The following HEPACAM2 variants were observed in gnomAD, a reference collection of about 807,000 sequenced individuals.
HEPACAM2 encodes HEPACAM family member 2, also known as mitotic kinetics regulator.
A neutral mutation model predicts 49.6 loss-of-function variants in HEPACAM2; 49 were observed. The ratio of observed to expected loss-of-function variants is 0.99; its 90% confidence interval spans 0.78 to 1.25. The LOEUF (loss-of-function observed/expected upper bound fraction) is 1.25. Among genes scored for constraint, HEPACAM2 ranks in the 50% most tolerant of loss-of-function variants. The probability of loss-of-function intolerance (pLI) is 0.00; values close to 1 mark genes in which losing one functional copy is unlikely to be tolerated. For synonymous variants in HEPACAM2, 197 were observed against 202.9 expected, an observed-to-expected ratio of 0.97 and a Z score of 0.25; for missense variants, 525 against 557.2, an observed-to-expected ratio of 0.94 and a Z score of 0.58.
At chr7:93,226,508 G>C, upstream of HEPACAM2, 4 of 1,241,686 alleles carry the variant, frequency 3.2e-6, no homozygotes, top group Non-Finnish European at 4.7e-6. Context: ...ATTTGCTAGG[G>C]AAATTAGCAG....
chr7:93,193,420 T>G (rs140077611), intron 8 of HEPACAM2, among the ~76,000 whole-genome samples: 1 of 152,128 alleles, frequency 6.6e-6, no homozygotes, highest in Non-Finnish European at 1.5e-5. Context: ...GTAAAAGCAA[T>G]CTATTGATGA....
At chr7:93,209,591 AC>A (rs752810604) in intron 3 of HEPACAM2, among the ~76,000 whole-genome samples, 7 of 151,158 alleles carry the variant, frequency 4.6e-5, no homozygotes, top group Non-Finnish European at 8.9e-5. Flanking sequence ...ACTTTTGGCT[AC>A]CCCCCACCAC....
At chr7:93,228,885 G>GTGTGTGTGTA (rs748458673), upstream of HEPACAM2, among the ~76,000 whole-genome samples, 108 of 152,016 alleles carry the variant, frequency 7.1e-4, 2 homozygotes, top group East Asian at 8.5e-3. Context: ...GTGTGTGTGT[G>GTGTGTGTGTA]TGTATGTGTG....
upstream of HEPACAM2, among the ~76,000 whole-genome samples, chr7:93,230,871 T>C (rs904940302): frequency 7.9e-5 from 12 of 152,210 alleles, no homozygotes; most frequent in Admixed American, 2.6e-4. Context: ...ATGATACAAG[T>C]ATGCACAAGG....
At chr7:93,199,227 TTTAAA>T (rs1418369835) in intron 4 of HEPACAM2, among the ~76,000 whole-genome samples, 1 of 152,084 alleles carries the variant, frequency 6.6e-6, no homozygotes, top group Non-Finnish European at 1.5e-5. Context: ...TTAAACAGAT[TTTAAA>T]TTAAACTCTT....
At chr7:93,221,122 TAAAG>T (rs1231960308) in intron 1 of HEPACAM2, among the ~76,000 whole-genome samples, 4 of 151,956 alleles carry the variant, frequency 2.6e-5, no homozygotes, top group African/African-American at 7.3e-5. Context: ...AAATGTGAAA[TAAAG>T]AGAGTTTTTT....
At chr7:93,217,876 CTGTGTGTGTGTGTGTGTG>C (rs138044928) in intron 2 of HEPACAM2, among the ~76,000 whole-genome samples, 5 of 140,094 alleles carry the variant, frequency 3.6e-5, no homozygotes, top group East Asian at 2.2e-4. Context: ...GCATGTGTGT[CTGTGTGTGTGTGTGTGTG>C]TGTGTGTGTG....
chr7:93,216,576 C>T (rs575992084), intron 2 of HEPACAM2, among the ~76,000 whole-genome samples: 5 of 152,184 alleles, frequency 3.3e-5, no homozygotes, highest in African/African-American at 7.2e-5. Context: ...TATAAGAATC[C>T]GCAACCATTT....
At chr7:93,189,748 A>C (rs1584322255) in intron 9 of HEPACAM2, among the ~76,000 whole-genome samples, 1 of 152,002 alleles carries the variant, frequency 6.6e-6, no homozygotes, top group South Asian at 2.1e-4. Context: ...CCAAAGAATA[A>C]AATTGTTTGG....
At chr7:93,204,464 G>A (rs1793978536) in intron 4 of HEPACAM2, among the ~76,000 whole-genome samples, 1 of 151,992 alleles carries the variant, frequency 6.6e-6, no homozygotes, top group Admixed American at 6.6e-5. Context: ...TGCATTCAAG[G>A]AAGTCCGTAA....
Position 93,224,820 on chromosome 7 carries a change from G to A in HEPACAM2, c.79+1548C>T, listed in dbSNP as rs544073321. Among the ~76,000 whole-genome samples, 7 of 152,250 alleles carry A rather than the reference G, an allele frequency of 4.6e-5. No individual in the cohort carries two copies. In the South Asian group the frequency reaches 1.4e-3, roughly 32 times the overall value. On this transcript the variant is annotated intron_variant, in intron 1 of 9. Transcript: ENST00000394468. ...GAAAATAAAATCTTGCATCTTTAGA[G>A]AAAATAGAAATTATGATGTGTTTTG... is the stretch of plus-strand genomic sequence containing the variant.
At chr7:93,226,007 G>C in intron 1 of HEPACAM2, 1 of 789,756 alleles carries the variant, frequency 1.3e-6, no homozygotes, top group East Asian at 2.7e-5. Context: ...ACTCTAAGTG[G>C]TCACAATTTC....
At chr7:93,193,790 C>A (rs1369291333) in intron 8 of HEPACAM2, among the ~76,000 whole-genome samples, 1 of 152,108 alleles carries the variant, frequency 6.6e-6, no homozygotes, top group Non-Finnish European at 1.5e-5. Flanking sequence ...TATTTCCCTT[C>A]TCAAGTTCAG....
upstream of HEPACAM2, among the ~76,000 whole-genome samples, chr7:93,230,413 A>C (rs1794601406): frequency 6.6e-6 from 1 of 152,230 alleles, no homozygotes; most frequent in African/African-American, 2.4e-5. Flanking sequence ...AAACATCCCC[A>C]AAGAAAACAA....
At chr7:93,198,174 A>G (rs750817385) in intron 4 of HEPACAM2, among the ~76,000 whole-genome samples, 1 of 152,104 alleles carries the variant, frequency 6.6e-6, no homozygotes, top group Non-Finnish European at 1.5e-5. Context: ...TGTATGTGTG[A>G]TTTTTCAAAA....
upstream of HEPACAM2, among the ~76,000 whole-genome samples, chr7:93,228,873 G>GTA (rs1219855820): frequency 6.6e-6 from 1 of 151,520 alleles, no homozygotes; most frequent in Non-Finnish European, 1.5e-5. Flanking sequence ...GGGTGTGTGT[G>GTA]TGTGTGTGTG....
chr7:93,214,481 T>C (rs552307331), intron 3 of HEPACAM2, among the ~76,000 whole-genome samples: 1 of 152,282 alleles, frequency 6.6e-6, no homozygotes, highest in East Asian at 1.9e-4. Context: ...GATAGGTGTT[T>C]CTCTATGAGA....
At chr7:93,224,350 T>G (rs191168005) in intron 1 of HEPACAM2, among the ~76,000 whole-genome samples, 201 of 152,290 alleles carry the variant, frequency 1.3e-3, no homozygotes, top group African/African-American at 4.5e-3. Context: ...ATATTTGGAC[T>G]TAAACGGAAA....
chr7:93,192,060 C>T lies in HEPACAM2; in HGVS notation c.1385+194G>A, dbSNP rs185237764. 1.6e-3 allele frequency among the ~76,000 whole-genome samples: 250 copies of T among 152,152 alleles called. 1 individual carries two copies. The highest frequency in any genetic ancestry group is 2.8e-3 in the Non-Finnish European group (191 of 67,994). On this transcript the variant is annotated intron_variant, in intron 9 of 9. Coordinates refer to ENST00000394468, the MANE Select transcript of HEPACAM2 (RefSeq NM_001039372.4). Reference sequence around the variant, plus strand: ...AGTCCACTGGCCCAAGTGCATGGCCCTCGAAGATATTTGTGTGTTTGCCTG... The same window carrying T: ...AGTCCACTGGCCCAAGTGCATGGCCTTCGAAGATATTTGTGTGTTTGCCTG...
Sources: gnomAD v4.1 joint callset for allele counts (sites outside exome capture counted in the v4.1 genomes callset) on GRCh38, gnomAD v4.1.1 for gene constraint, MANE v1.5 for transcripts, NCBI Gene and HGNC (gene_info 2026-07-23, HGNC 2026-07-21) for gene names.